TBX19: variants seen among roughly 807,000 people sequenced by gnomAD.
TBX19 encodes the protein T-box transcription factor 19, also known as T-box transcription factor TBX19.
In TBX19, 33 loss-of-function variants were observed where a neutral mutation model predicts 40.9. The observed-to-expected ratio is 0.81, with a 90% CI of 0.61 to 1.08. The LOEUF (loss-of-function observed/expected upper bound fraction) is 1.08. TBX19 is among the 50% of genes least tolerant of loss of function. TBX19 has a pLI of 0.00. For synonymous variants in TBX19, 220 were observed against 225.0 expected (o/e 0.98, Z 0.20); for missense variants, 494 against 574.0 (o/e 0.86, Z 1.42).
intron 1 of TBX19, among the ~76,000 whole-genome samples, chr1:168,288,145 G>A (rs191307658): frequency 1.3e-5 from 2 of 152,262 alleles, no homozygotes; most frequent in South Asian, 2.1e-4. Context: ...GGATGCTGAA[G>A]TTCCTTATAT....
At chr1:168,291,087 T>G in intron 1 of TBX19, 73 bp from the exon 2 acceptor site, 14 of 1,605,698 alleles carry the variant, frequency 8.7e-6, no homozygotes, top group Non-Finnish European at 1.1e-5. Flanking sequence ...GTCTCAGTAT[T>G]GAGAGGCCCC....
Position 168,313,270 on chromosome 1 carries a change from G to C in TBX19, c.*268G>C. On this transcript the variant is annotated 3_prime_UTR_variant, in exon 8 of 8. Coordinates refer to ENST00000367821, the MANE Select transcript of TBX19 (RefSeq NM_005149.3). The stretch of plus-strand genomic sequence containing the variant: ...TGCTTAGGTGACAGAAGTTTGTTAA[G>C]TACCATCCTTGTGCCCTGCCTCTTA... 1.9e-6 allele frequency: 1 copy of C among 536,340 alleles called. No individual in the cohort carries two copies. The highest frequency in any genetic ancestry group is 2.0e-5 in the South Asian group (1 of 48,782). 33.2% of individuals were successfully genotyped at this position (536,340 alleles called of 1,614,324 possible). A position where few individuals can be genotyped will look rare whatever the true frequency, so the allele number is the denominator to read the frequency against.
rs1649557776 is a variant in TBX19, at chr1:168,312,822, T to G, written c.1167T>G (p.Thr389=). 1 of 1,614,132 alleles carries G rather than the reference T, an allele frequency of 6.2e-7. No individual in the cohort carries two copies. The highest frequency in any genetic ancestry group is 1.3e-5 in the African/African-American group (1 of 74,948). The change falls in exon 8 of 8, where the codon ACT becomes ACG. Residue 389 remains threonine, a synonymous_variant. Transcript: ENST00000367821. ...GAFLLGNPAV[T]SPPSVLSTQA... ...TTCTCCTCGGAAACCCAGCTGTGAC[T>G]TCACCCCCTTCTGTGCTCTCCACCC...
In TBX19 at chr1:168,281,133, A is replaced by G; in HGVS notation, c.43A>G (p.Thr15Ala). 1.2e-6 allele frequency: 2 copies of G among 1,614,156 alleles called. No individual in the cohort carries two copies. The highest frequency in any genetic ancestry group is 1.7e-6 in the Non-Finnish European group (2 of 1,180,006). Reference protein sequence around the residue: ...ELGTRKPSDGTVSHLLNVVES... With the variant: ...ELGTRKPSDGAVSHLLNVVES... ...GGGCACTCGGAAGCCCAGCGATGGCACTGTTTCTCATCTGCTCAATGTGGT... is the reference window on the plus strand; with the variant it reads ...GGGCACTCGGAAGCCCAGCGATGGCGCTGTTTCTCATCTGCTCAATGTGGT... Residue 15 changes from threonine to alanine, a missense_variant, in exon 1 of 8, where the codon ACT becomes GCT. By Grantham distance (58) the Thr-to-Ala change is moderately conservative. Around this residue, in one of 3 missense-constraint regions of TBX19, gnomAD observed 201 missense variants for 235.2 expected, o/e 0.85. Coordinates refer to ENST00000367821, the MANE Select transcript of TBX19 (RefSeq NM_005149.3).
At chr1:168,311,102 G>C (rs1649509843) in intron 7 of TBX19, among the ~76,000 whole-genome samples, 1 of 151,838 alleles carries the variant, frequency 6.6e-6, no homozygotes, top group Non-Finnish European at 1.5e-5. Context: ...TGATCTAGAG[G>C]ATCTGAGGGA....
chr1:168,287,426 A>G (rs1008505732), intron 1 of TBX19, among the ~76,000 whole-genome samples: 39 of 152,092 alleles, frequency 2.6e-4, no homozygotes, highest in Non-Finnish European at 4.6e-4. Context: ...CTGTGACATC[A>G]TGCATTTTAG....
chr1:168,305,065 A>T lies in TBX19; in HGVS notation c.785A>T (p.Tyr262Phe), dbSNP rs532329955. 1 of 1,614,122 alleles carries T rather than the reference A, an allele frequency of 6.2e-7. No homozygotes were observed. The highest frequency in any genetic ancestry group is 1.3e-5 in the African/African-American group (1 of 75,048). ...GTGTGCACAGCAGGAAACTCCAATTACCAGTATGCCGCTCCTCTGCCTCTG... is the reference window on the plus strand; with the variant it reads ...GTGTGCACAGCAGGAAACTCCAATTTCCAGTATGCCGCTCCTCTGCCTCTG... Reference protein sequence around the residue: ...DGVCTAGNSNYQYAAPLPLPA... With the variant: ...DGVCTAGNSNFQYAAPLPLPA... Residue 262 changes from tyrosine (Y) to phenylalanine (F), a missense_variant, in exon 6 of 8, where the codon TAC becomes TTC. Around this residue, in one of 3 missense-constraint regions of TBX19, gnomAD observed 284 missense variants for 307.3 expected, o/e 0.92. Coordinates refer to ENST00000367821, the MANE Select transcript of TBX19 (RefSeq NM_005149.3).
Position 168,312,947 on chromosome 1 carries a change from G to A in TBX19, c.1292G>A (p.Gly431Asp), listed in dbSNP as rs1316119932. The A allele has an allele frequency of 1.2e-6, 2 of 1,614,134 alleles. No individual in the cohort carries two copies. Among genetic ancestry groups the A allele is most frequent in the Non-Finnish European group, 1.7e-6 (2 of 1,180,054 alleles). Residue 431 changes from glycine (G) to aspartate (D), a missense_variant, in exon 8 of 8, where the codon GGC becomes GAC. By Grantham distance (94) the Gly-to-Asp change is moderately conservative. This residue lies in a region of TBX19 where 284 missense variants were observed against 307.3 expected (regional missense o/e 0.92). Transcript: ENST00000367821. ...GCAGTGGCCTCGCATCCCTTCGCGG[G>A]CTGGGGTGGCCCAGGAGCGGGTGGG... ...WTAVASHPFA[G>D]WGGPGAGGHH...
chr1:168,305,232 G>A, intron 6 of TBX19, 36 bp downstream of exon 6: 2 of 1,600,396 alleles, frequency 1.2e-6, no homozygotes, highest in Non-Finnish European at 1.7e-6. Context: ...TTGGGGTATG[G>A]GCTGGGGTGG....
chr1:168,307,843 C>T (rs1485292218), intron 6 of TBX19, among the ~76,000 whole-genome samples: 1 of 152,172 alleles, frequency 6.6e-6, no homozygotes, highest in African/African-American at 2.4e-5. Context: ...TGTCCATCTC[C>T]TCACATAGTT....
chr1:168,313,189 C>A lies in TBX19; in HGVS notation c.*187C>A. On this transcript the variant is annotated 3_prime_UTR_variant, in exon 8 of 8. Transcript: ENST00000367821. ...TGGATGATGCTAGTTAGATCATTTG[C>A]ATCTCTCCACCATTTTCTTCTGCAC... 1 of 669,894 alleles carries A rather than the reference C, an allele frequency of 1.5e-6. No individual in the cohort carries two copies. The highest frequency in any genetic ancestry group is 2.5e-6 in the Non-Finnish European group (1 of 393,668). The allele number at this position is 669,894 out of a possible 1,614,324, so 41.5% of individuals were successfully genotyped here.
In TBX19 at chr1:168,293,350, C is replaced by T. The variant is rs573478771; in HGVS notation, c.603+72C>T. The T allele has an allele frequency of 1.5e-4, 225 of 1,504,426 alleles. No homozygotes were observed. The Middle Eastern group carries it at 2.4e-3, about 16-fold the overall frequency. The allele number at this position is 1,504,426 out of a possible 1,614,324, so 93.2% of individuals were successfully genotyped here. ...GTAACTGTCACCTGGGAGATCATGG[C>T]AGGATGGGCGGGGGGGGTCCTTTTA... On this transcript the variant is annotated intron_variant, in intron 3 of 7. Coordinates refer to ENST00000367821, the MANE Select transcript of TBX19 (RefSeq NM_005149.3).
intron 7 of TBX19, 118 bp downstream of exon 7, chr1:168,308,995 TA>T (rs1048427945): frequency 4.2e-6 from 6 of 1,427,294 alleles, no homozygotes; most frequent in Non-Finnish European, 5.9e-6. Flanking sequence ...TCTTGACTTC[TA>T]AAACACTAAG....
rs187423054 is a variant in TBX19, at chr1:168,281,070, G to A, written c.-21G>A. The A allele has an allele frequency of 3.5e-4, 557 of 1,613,592 alleles. 1 individual carries two copies. In the African/African-American group the frequency reaches 6.1e-3, roughly 18 times the overall value. On this transcript the variant is annotated 5_prime_UTR_variant, in exon 1 of 8. Coordinates refer to ENST00000367821, the MANE Select transcript of TBX19 (RefSeq NM_005149.3). ...GCAGGCAAGTTGGGTAACGGCTCTC[G>A]GCAAAGTTCGAGAAGTGCCTATGGC... is the stretch of plus-strand genomic sequence containing the variant.
At chr1:168,307,168 G>A (rs1035613946) in intron 6 of TBX19, among the ~76,000 whole-genome samples, 5 of 152,126 alleles carry the variant, frequency 3.3e-5, no homozygotes, top group Non-Finnish European at 7.4e-5. Flanking sequence ...GGGCTGGAGA[G>A]CTTGGAAGTG....
chr1:168,305,469 A>C (rs1649383974), intron 6 of TBX19, among the ~76,000 whole-genome samples: 1 of 152,198 alleles, frequency 6.6e-6, no homozygotes, highest in African/African-American at 2.4e-5. Context: ...AGGCCAGGAC[A>C]CTGATATTCT....
At chr1:168,295,698 C>T (rs1649086747) in intron 3 of TBX19, among the ~76,000 whole-genome samples, 1 of 152,168 alleles carries the variant, frequency 6.6e-6, no homozygotes. Context: ...CAGCTTTTCT[C>T]CCTGGGCTGG....
At position 168,293,194 on chromosome 1, in the gene TBX19, T is replaced by A. The variant is rs779901603; in HGVS notation, c.519T>A (p.Arg173=). 1 of 1,613,958 alleles carries A rather than the reference T, an allele frequency of 6.2e-7. No individual in the cohort carries two copies. The highest frequency in any genetic ancestry group is 2.2e-5 in the East Asian group (1 of 44,872). ...HKYEPQVHIV[R]VGSAHRMVTN... ...ATGAACCCCAGGTTCACATAGTGCGTGTTGGAAGTGCCCATCGAATGGTAA... is the reference window on the plus strand; with the variant it reads ...ATGAACCCCAGGTTCACATAGTGCGAGTTGGAAGTGCCCATCGAATGGTAA... The change falls in exon 3 of 8, where the codon CGT becomes CGA. Residue 173 remains arginine, a synonymous_variant. Transcript: ENST00000367821.
chr1:168,286,341 A>G (rs1648804630), intron 1 of TBX19, among the ~76,000 whole-genome samples: 1 of 152,208 alleles, frequency 6.6e-6, no homozygotes, highest in African/African-American at 2.4e-5. Flanking sequence ...TCCACAATTA[A>G]TTTTAGAACA....
Sources: gnomAD v4.1 joint callset for allele counts (sites outside exome capture counted in the v4.1 genomes callset) on GRCh38, gnomAD v4.1.1 for gene constraint, gnomAD v4.1.1 regional missense constraint, MANE v1.5 for transcripts, NCBI Gene and HGNC (gene_info 2026-07-23, HGNC 2026-07-21) for gene names.